GALNTL5: variants seen among roughly 807,000 people sequenced by gnomAD.
GALNTL5 encodes the protein inactive polypeptide N-acetylgalactosaminyltransferase-like protein 5.
In GALNTL5, 44 loss-of-function variants were observed where a neutral mutation model predicts 51.0. That is an observed-to-expected ratio of 0.86 (90% CI 0.68 to 1.11). The LOEUF is 1.11. Ranked by LOEUF, GALNTL5 falls within the 50% of genes least tolerant of loss-of-function variation. GALNTL5 has a pLI of 0.00. For missense variants in GALNTL5, 528 were observed against 531.8 expected (o/e 0.99, Z 0.07); for synonymous variants, 192 against 182.8 (o/e 1.05, Z -0.41).
intron 1 of GALNTL5, among the ~76,000 whole-genome samples, chr7:151,964,331 A>G (rs1380675656): frequency 6.6e-6 from 1 of 152,138 alleles, no homozygotes; most frequent in African/African-American, 2.4e-5. Context: ...TCATTGCAGC[A>G]TTCGATTCTG....
rs200879913 is a variant in GALNTL5, at chr7:152,019,701, G to A, written c.1232G>A (p.Arg411His). 2.5e-5 allele frequency: 40 copies of A among 1,613,606 alleles called. No individual in the cohort carries two copies. The highest frequency in any genetic ancestry group is 3.4e-5 in the Non-Finnish European group (40 of 1,179,754). ...GLKYVTYGNI[R>H]ERVELRKRLG... ...AAATATGTCACCTACGGAAATATTC[G>A]CGAGCGTGTTGAGTTAAGGAAACGA... is the stretch of plus-strand genomic sequence containing the variant. Residue 411 changes from arginine to histidine, a missense_variant, in exon 9 of 9, where the codon CGC (arginine) becomes CAC (histidine). Transcript: ENST00000392800.
rs752131713 is a variant in GALNTL5 at position 151,967,405 on chromosome 7, T to C, written c.159T>C (p.His53=). ...LSAWSPGKKV[H]QQIIYGSEQI... is the part of the protein sequence containing the mutation. Reference sequence around the variant, plus strand: ...CTTGGTCCCCTGGAAAAAAAGTGCATCAGCAAATTATCTATGGCTCAGAGC... The same window carrying C: ...CTTGGTCCCCTGGAAAAAAAGTGCACCAGCAAATTATCTATGGCTCAGAGC... Residue 53 remains histidine, a synonymous_variant, in exon 2 of 9, where the codon CAT becomes CAC. Coordinates refer to ENST00000392800, the MANE Select transcript of GALNTL5 (RefSeq NM_145292.4). 1 of 1,614,110 alleles carries C rather than the reference T, an allele frequency of 6.2e-7. No homozygotes were observed. Among genetic ancestry groups the C allele is most frequent in the Admixed American group, 1.7e-5 (1 of 60,008 alleles).
At chr7:152,013,789 T>C (rs769669905) in intron 7 of GALNTL5, among the ~76,000 whole-genome samples, 5 of 152,234 alleles carry the variant, frequency 3.3e-5, no homozygotes, top group Non-Finnish European at 7.3e-5. Context: ...TGAGTTTACA[T>C]ATATACCTGG....
At chr7:151,962,436 C>CTTTCTTTTTT (rs1157047454) in intron 1 of GALNTL5, among the ~76,000 whole-genome samples, 22 of 116,214 alleles carry the variant, frequency 1.9e-4, no homozygotes, top group Admixed American at 5.6e-4. Context: ...ATTTTTTTTT[C>CTTTCTTTTTT]TTTTTTTTTT....
In GALNTL5 at chr7:151,966,289, C is replaced by T. The variant is rs184762633; in HGVS notation, c.-39-919C>T. On this transcript the variant is annotated intron_variant, in intron 1 of 8. Coordinates refer to ENST00000392800, the MANE Select transcript of GALNTL5 (RefSeq NM_145292.4). The stretch of plus-strand genomic sequence containing the variant: ...TTTCTTTTTTTTTTTTTGTTTGAGA[C>T]GGAGTTTCATTCTTGTTGCCCAGGC... Among the ~76,000 whole-genome samples the T allele has an allele frequency of 4.9e-3, 735 of 149,256 alleles. 9 individuals are homozygous for T. The highest frequency in any genetic ancestry group is 0.016 in the African/African-American group (655 of 40,530).
chr7:151,982,939 C>T, intron 3 of GALNTL5, 47 bp from the exon 4 acceptor site: 1 of 1,613,022 alleles, frequency 6.2e-7, no homozygotes, highest in South Asian at 1.1e-5. Flanking sequence ...ACACAACATC[C>T]AAGGCATTTA....
chr7:151,991,123 C>G (rs760415663), intron 5 of GALNTL5, among the ~76,000 whole-genome samples: 4 of 152,028 alleles, frequency 2.6e-5, no homozygotes, highest in African/African-American at 7.3e-5. Flanking sequence ...GATGGAGTCT[C>G]GCTCTGTCGC....
In GALNTL5 at chr7:152,014,686, C is replaced by A; in HGVS notation, c.1069C>A (p.Arg357=). The A allele has an allele frequency of 1.9e-6, 3 of 1,613,022 alleles. No homozygotes were observed. The highest frequency in any genetic ancestry group is 1.7e-6 in the Non-Finnish European group (2 of 1,179,504). ...GGQLFIIPCS[R]VGHISKKQTG... ...CCAACTCTTTATAATCCCCTGCTCT[C>A]GAGTAGGACATATCAGTAAGAAACA... Residue 357 remains arginine (R), a synonymous_variant, in exon 8 of 9, where the codon CGA becomes AGA. Transcript: ENST00000392800.
At chr7:151,980,214 G>T (rs188527318) in intron 3 of GALNTL5, among the ~76,000 whole-genome samples, 11 of 152,256 alleles carry the variant, frequency 7.2e-5, no homozygotes, top group Admixed American at 6.5e-4. Context: ...CTCCTGAGAA[G>T]CTGGGATTAC....
intron 5 of GALNTL5, among the ~76,000 whole-genome samples, chr7:151,997,762 T>C (rs2081518412): frequency 6.6e-6 from 1 of 152,188 alleles, no homozygotes; most frequent in Non-Finnish European, 1.5e-5. Context: ...CAAATCTGTA[T>C]GGGAAAAAAG....
chr7:151,985,033 T>G (rs1317586421), intron 4 of GALNTL5, among the ~76,000 whole-genome samples: 1 of 152,146 alleles, frequency 6.6e-6, no homozygotes, highest in Non-Finnish European at 1.5e-5. Context: ...AAGTCCGAGA[T>G]GAGGGTGCCA....
At chr7:151,974,124 GTATC>G in intron 3 of GALNTL5, among the ~76,000 whole-genome samples, 2 of 121,424 alleles carry the variant, frequency 1.6e-5, no homozygotes, top group Non-Finnish European at 3.6e-5. Context: ...GTCTCAGGTG[GTATC>G]CTTATAGCAG....
At chr7:151,961,129 C>T (rs1373902778) in intron 1 of GALNTL5, among the ~76,000 whole-genome samples, 1 of 152,122 alleles carries the variant, frequency 6.6e-6, no homozygotes, top group Non-Finnish European at 1.5e-5. Context: ...GAGTTCGAGG[C>T]TGCAGTGAGC....
chr7:152,003,246 A>T (rs1049962879), intron 6 of GALNTL5, among the ~76,000 whole-genome samples: 20 of 152,206 alleles, frequency 1.3e-4, no homozygotes, highest in African/African-American at 4.8e-4. Flanking sequence ...TTCAGGAGCA[A>T]TATTTCATTT....
chr7:152,006,763 T>C (rs974978895), intron 6 of GALNTL5, among the ~76,000 whole-genome samples: 1 of 152,100 alleles, frequency 6.6e-6, no homozygotes, highest in African/African-American at 2.4e-5. Context: ...CTTGTGATTA[T>C]TTTTCTTTTT....
At chr7:152,013,243 A>G (rs1438119541) in intron 7 of GALNTL5, among the ~76,000 whole-genome samples, 2 of 152,040 alleles carry the variant, frequency 1.3e-5, no homozygotes, top group Non-Finnish European at 1.5e-5. Context: ...ATTGAGTGCG[A>G]TGCTCATTAC....
chr7:152,007,002 A>G (rs2081653334), intron 6 of GALNTL5, among the ~76,000 whole-genome samples: 1 of 152,150 alleles, frequency 6.6e-6, no homozygotes, highest in South Asian at 2.1e-4. Flanking sequence ...TCCTGACCTC[A>G]AATGATCCAC....
rs2081071257 is a variant in GALNTL5 at position 151,967,220 on chromosome 7, T to C, written c.-27T>C. On this transcript the variant is annotated 5_prime_UTR_variant, in exon 2 of 9. It removes an upstream start codon present in the reference 5' UTR. Transcript: ENST00000392800. Reference sequence around the variant, plus strand: ...CATTCTGATTTAGGAAATTGAAAAATGGACCTTTGAAAATGCTAGATTTAC... The same window carrying C: ...CATTCTGATTTAGGAAATTGAAAAACGGACCTTTGAAAATGCTAGATTTAC... The C allele has an allele frequency of 1.3e-6, 2 of 1,597,682 alleles. No homozygotes were observed. Among genetic ancestry groups the C allele is most frequent in the African/African-American group, 1.3e-5 (1 of 74,104 alleles).
intron 6 of GALNTL5, among the ~76,000 whole-genome samples, chr7:152,005,786 A>G (rs2081634813): frequency 6.6e-6 from 1 of 152,222 alleles, no homozygotes; most frequent in Admixed American, 6.5e-5. Flanking sequence ...ATACAGTAAT[A>G]GAATTATTGT....
Sources: gnomAD v4.1 joint callset for allele counts (sites outside exome capture counted in the v4.1 genomes callset) on GRCh38, gnomAD v4.1.1 for gene constraint, MANE v1.5 for transcripts, NCBI Gene and HGNC (gene_info 2026-07-23, HGNC 2026-07-21) for gene names.